Variants in ATP2B2 observed in about 807,000 individuals in gnomAD.
ATP2B2 encodes ATPase plasma membrane Ca2+ transporting 2, also known as plasma membrane calcium-transporting ATPase 2.
ATP2B2 carries 15 observed loss-of-function variants against 120.0 expected under a neutral mutation model. The observed-to-expected ratio is 0.12, with a 90% CI of 0.08 to 0.19. The LOEUF (loss-of-function observed/expected upper bound fraction) is 0.19, where lower values mean the gene tolerates loss of function less well. Among genes scored for constraint, ATP2B2 ranks in the 10% least tolerant of loss-of-function variants. The probability of loss-of-function intolerance (pLI) is 1.00; values close to 1 mark genes in which losing one functional copy is unlikely to be tolerated. For missense variants in ATP2B2, 1,045 were observed against 1,719.8 expected, an observed-to-expected ratio of 0.61 and a Z score of 6.94; for synonymous variants, 694 against 700.3, an observed-to-expected ratio of 0.99 and a Z score of 0.14.
In ATP2B2 at chr3:10,371,948, T is replaced by C; in HGVS notation, c.1520A>G (p.Asn507Ser). The C allele has an allele frequency of 6.2e-7, 1 of 1,614,224 alleles. No individual in the cohort carries two copies. Among genetic ancestry groups the C allele is most frequent in the Non-Finnish European group, 8.5e-7 (1 of 1,180,034 alleles). Residue 507 changes from asparagine to serine, a missense_variant, in exon 12 of 23, where the codon AAT becomes AGT. By Grantham distance (46) the Asn-to-Ser change is conservative (BLOSUM62 1). Around this residue, in one of 11 missense-constraint regions of ATP2B2, gnomAD observed 343 missense variants for 536.8 expected, o/e 0.64. Transcript: ENST00000360273. ...ATAGGCCTGTACCACTGTCATGCGA[T>C]TGGTGGTCAGCGTGCCTGTCTTGTC... ...CSDKTGTLTT[N>S]RMTVVQAYVG...
intron 1 of ATP2B2, among the ~76,000 whole-genome samples, chr3:10,696,205 C>T (rs937187579): frequency 6.6e-6 from 1 of 152,214 alleles, no homozygotes; most frequent in African/African-American, 2.4e-5. Flanking sequence ...CACACTTCCA[C>T]TCAATTTCTG....
At chr3:10,523,366 C>T (rs531061701) in intron 3 of ATP2B2, among the ~76,000 whole-genome samples, 2 of 152,218 alleles carry the variant, frequency 1.3e-5, no homozygotes, top group Non-Finnish European at 2.9e-5. Flanking sequence ...AAACGTTTCT[C>T]CTGAACATGT....
intron 22 of ATP2B2, among the ~76,000 whole-genome samples, chr3:10,330,671 G>A (rs982790945): frequency 2.6e-5 from 4 of 152,226 alleles, no homozygotes; most frequent in African/African-American, 9.6e-5. Flanking sequence ...TGGACGAGAC[G>A]GTCGTGGGGA....
chr3:10,583,373 T>C (rs191563600), intron 2 of ATP2B2, among the ~76,000 whole-genome samples: 89 of 152,230 alleles, frequency 5.8e-4, no homozygotes, highest in Non-Finnish European at 6.2e-4. Flanking sequence ...AAAGTGCCTG[T>C]GGAGTATTCC....
At chr3:10,474,601 G>A (rs1224082549) in intron 1 of ATP2B2, among the ~76,000 whole-genome samples, 1 of 152,182 alleles carries the variant, frequency 6.6e-6, no homozygotes, top group African/African-American at 2.4e-5. Flanking sequence ...CTCAGAACAA[G>A]GTTCAAAATC....
intron 1 of ATP2B2, among the ~76,000 whole-genome samples, chr3:10,697,900 G>A (rs958107380): frequency 6.6e-6 from 1 of 152,216 alleles, no homozygotes; most frequent in Non-Finnish European, 1.5e-5. Flanking sequence ...CCCTGTGCTA[G>A]CCTTCAAGGG....
intron 2 of ATP2B2, among the ~76,000 whole-genome samples, chr3:10,607,030 C>T (rs934997780): frequency 6.6e-6 from 1 of 150,928 alleles, no homozygotes; most frequent in African/African-American, 2.4e-5. Flanking sequence ...CTGTTCCCAT[C>T]AACCTTTGTC....
intron 1 of ATP2B2, among the ~76,000 whole-genome samples, chr3:10,667,755 T>C (rs1245177466): frequency 3.3e-5 from 5 of 152,000 alleles, no homozygotes; most frequent in Non-Finnish European, 7.4e-5. Context: ...GTGCTCTGAG[T>C]AGGAGAGCTG....
At chr3:10,396,436 C>CAGTGCATG (rs892729554) in intron 5 of ATP2B2, among the ~76,000 whole-genome samples, 2 of 152,344 alleles carry the variant, frequency 1.3e-5, no homozygotes, top group East Asian at 1.9e-4. Flanking sequence ...TAAGCTGAAA[C>CAGTGCATG]AGTGCATGAG....
Position 10,326,487 on chromosome 3 carries a change from A to T in ATP2B2, c.*2327T>A, listed in dbSNP as rs2059860157. 2 of 386,336 alleles carry T rather than the reference A, an allele frequency of 5.2e-6. No individual in the cohort carries two copies. The highest frequency in any genetic ancestry group is 4.1e-5 in the African/African-American group (2 of 48,390). The allele number at this position is 386,336 out of a possible 1,614,324, so 23.9% of individuals were successfully genotyped here. ...CATGGAACGAGGTCACGGACACATG[A>T]CTGATCAAAGAAGTGGGGAGATGGA... On this transcript the variant is annotated 3_prime_UTR_variant, in exon 23 of 23. Transcript: ENST00000360273.
rs996828852 is a variant in ATP2B2, at chr3:10,375,807, T to C, written c.1202-163A>G. ...TGACCTGTGGCAAGTTCTTGAGACC[T>C]TGATCCTCACCGAGCCTCAGTCTCC... On this transcript the variant is annotated intron_variant, in intron 10 of 22. Transcript: ENST00000360273. This position sits in a 1 kb window ranked among gnomAD's most constrained non-coding sequence, Gnocchi z 4.2. Among the ~76,000 whole-genome samples, 8 of 152,316 alleles carry C rather than the reference T, an allele frequency of 5.3e-5. No individual in the cohort carries two copies. The East Asian group carries it at 1.5e-3, about 29-fold the overall frequency.
In ATP2B2 at chr3:10,492,823, G is replaced by A. The variant is rs183460349; in HGVS notation, c.-320+12642C>T. 4.7e-3 allele frequency among the ~76,000 whole-genome samples: 710 copies of A among 152,248 alleles called. 4 individuals carry two copies. Among genetic ancestry groups the A allele is most frequent in the Non-Finnish European group, 7.5e-3 (509 of 68,002 alleles). On this transcript the variant is annotated intron_variant, in intron 1 of 22. Coordinates refer to ENST00000360273, the MANE Select transcript of ATP2B2 (RefSeq NM_001001331.4). ...AAGTGTGATGGTGAGGGAGGATACT[G>A]GTGTCCCTTTCACAGCTGCGCAAAA...
intron 1 of ATP2B2, among the ~76,000 whole-genome samples, chr3:10,471,847 G>A (rs964447634): frequency 3.3e-5 from 5 of 151,948 alleles, no homozygotes; most frequent in South Asian, 2.1e-4. Context: ...TTGGGAGGCC[G>A]AGGCGGGCGG....
intron 12 of ATP2B2, among the ~76,000 whole-genome samples, chr3:10,361,232 C>A (rs534168028): frequency 6.6e-6 from 1 of 152,186 alleles, no homozygotes; most frequent in Admixed American, 6.5e-5. Context: ...GCAGTTTAAC[C>A]TAATGAGACT....
chr3:10,607,896 AG>A (rs2069128883), intron 2 of ATP2B2, among the ~76,000 whole-genome samples: 1 of 152,158 alleles, frequency 6.6e-6, no homozygotes, highest in African/African-American at 2.4e-5. Context: ...ACTATATCGA[AG>A]TCAGGTCCCA....
intron 2 of ATP2B2, among the ~76,000 whole-genome samples, chr3:10,545,925 T>C (rs1290289301): frequency 6.6e-6 from 1 of 152,162 alleles, no homozygotes; most frequent in Non-Finnish European, 1.5e-5. Context: ...AGAACTGAAA[T>C]GATATAGGGT....
intron 2 of ATP2B2, among the ~76,000 whole-genome samples, chr3:10,558,310 G>T (rs549798926): frequency 1.7e-3 from 254 of 152,308 alleles, no homozygotes; most frequent in Non-Finnish European, 2.9e-3. Flanking sequence ...GCTAGTGACT[G>T]GTTCATGGAA....
chr3:10,503,909 A>C (rs1481410361), intron 1 of ATP2B2, among the ~76,000 whole-genome samples: 1 of 152,178 alleles, frequency 6.6e-6, no homozygotes, highest in African/African-American at 2.4e-5. Context: ...TGTGTACTGC[A>C]TTCGTGTGTG....
chr3:10,471,280 C>T (rs79183455), intron 1 of ATP2B2, among the ~76,000 whole-genome samples: 2,395 of 152,230 alleles, frequency 0.016, 65 homozygotes, highest in African/African-American at 0.054. Flanking sequence ...CACACCCCTT[C>T]GGGCCAATCC....
Sources: gnomAD v4.1 joint callset for allele counts (sites outside exome capture counted in the v4.1 genomes callset) on GRCh38, gnomAD v4.1.1 for gene constraint, gnomAD v4.1.1 regional missense constraint, Gnocchi (gnomAD v3.1) non-coding constraint, MANE v1.5 for transcripts, NCBI Gene and HGNC (gene_info 2026-07-23, HGNC 2026-07-21) for gene names.